HSPBP1: variants seen among roughly 807,000 people sequenced by gnomAD.
HSPBP1 encodes the protein HSPA (Hsp70) binding protein 1.
A neutral mutation model predicts 41.7 loss-of-function variants in HSPBP1; 31 were observed. That is an observed-to-expected ratio of 0.74 (90% CI 0.56 to 1.00). The LOEUF (loss-of-function observed/expected upper bound fraction) is 1.00. Among genes scored for constraint, HSPBP1 ranks in the 50% least tolerant of loss-of-function variants. The pLI, the probability that HSPBP1 is intolerant of heterozygous loss-of-function variation, is 0.00. For missense variants in HSPBP1, 439 were observed against 487.9 expected (o/e 0.90, Z 0.94); for synonymous variants, 199 against 214.4 (o/e 0.93, Z 0.63).
intron 4 of HSPBP1, among the ~76,000 whole-genome samples, chr19:55,267,312 G>A (rs573719196): frequency 3.9e-5 from 6 of 151,986 alleles, no homozygotes; most frequent in South Asian, 4.1e-4. Context: ...CACCACACCC[G>A]GCTAATTTTT....
In HSPBP1 at chr19:55,279,427, T is replaced by A. The variant is rs758567202; in HGVS notation, c.182A>T (p.Asp61Val). The A allele has an allele frequency of 2.5e-6, 4 of 1,602,070 alleles. No homozygotes were observed. The East Asian group carries it at 8.9e-5, about 36-fold the overall frequency. Residue 61 changes from aspartate (D) to valine (V), a missense_variant, in exon 2 of 8, where the codon GAC becomes GTC. Asp to Val is a radical substitution (Grantham distance 152). Coordinates refer to ENST00000433386, the MANE Select transcript of HSPBP1 (RefSeq NM_012267.5). Reference sequence around the variant, plus strand: ...CTCACTCATCGGTTCTGGAGGAGGGTCTGGCTCTTCAGAGCCCGCGGTGAT... The same window carrying A: ...CTCACTCATCGGTTCTGGAGGAGGGACTGGCTCTTCAGAGCCCGCGGTGAT... ...MAITAGSEEP[D>V]PPPEPMSEER...
At chr19:55,264,014 G>A (rs1483220412) in intron 7 of HSPBP1, among the ~76,000 whole-genome samples, 1 of 148,998 alleles carries the variant, frequency 6.7e-6, no homozygotes, top group Admixed American at 6.7e-5. Context: ...TGTCGCCCAG[G>A]CTGGAGTGCA....
At chr19:55,266,420 A>C in intron 4 of HSPBP1, 134 bp from the exon 5 acceptor site, 1 of 965,472 alleles carries the variant, frequency 1.0e-6, no homozygotes, top group Non-Finnish European at 1.5e-6. Context: ...CTTCACCACC[A>C]TCACAATCAT....
chr19:55,269,139 G>A (rs2087858831), intron 4 of HSPBP1, among the ~76,000 whole-genome samples: 1 of 152,142 alleles, frequency 6.6e-6, no homozygotes, highest in African/African-American at 2.4e-5. Flanking sequence ...GGGCACGGTT[G>A]GTATCTGGGG....
chr19:55,270,787 G>A lies in HSPBP1; in HGVS notation c.640+3611C>T, dbSNP rs1230808096. Among the ~76,000 whole-genome samples, 7 of 144,640 alleles carry A rather than the reference G, an allele frequency of 4.8e-5. No homozygotes were observed. Among genetic ancestry groups the A allele is most frequent in the Non-Finnish European group, 7.6e-5 (5 of 66,016 alleles). The allele number at this position is 144,640 out of a possible 152,430, so 94.9% of individuals were successfully genotyped here. A position where few individuals can be genotyped will look rare whatever the true frequency, so the allele number is the denominator to read the frequency against. On this transcript the variant is annotated intron_variant, in intron 4 of 7. Transcript: ENST00000433386. The surrounding 1 kb of genome is among the most constrained non-coding windows in gnomAD (Gnocchi z 5.4). ...ATGCACATCCACACACCACACATAC[G>A]CACCACACATACACACCTCATATGC... is the stretch of plus-strand genomic sequence containing the variant.
chr19:55,269,598 CA>C (rs1411533073), intron 4 of HSPBP1, among the ~76,000 whole-genome samples: 1 of 152,106 alleles, frequency 6.6e-6, no homozygotes, highest in Non-Finnish European at 1.5e-5. Context: ...ACCTTAAAAG[CA>C]GATTACTAAG....
At position 55,270,209 on chromosome 19, in the gene HSPBP1, C is replaced by G. The variant is rs996901972; in HGVS notation, c.641-3923G>C. The stretch of plus-strand genomic sequence containing the variant: ...GAATGGCATCCAAGCTCCCAGAGCT[C>G]TTGCCCTGCATCGTGCACAACTTTC... On this transcript the variant is annotated intron_variant, in intron 4 of 7. Coordinates refer to ENST00000433386, the MANE Select transcript of HSPBP1 (RefSeq NM_012267.5). This position sits in a 1 kb window ranked among gnomAD's most constrained non-coding sequence, Gnocchi z 5.4. Among the ~76,000 whole-genome samples the G allele has an allele frequency of 6.6e-5, 10 of 152,244 alleles. No individual in the cohort carries two copies. The highest frequency in any genetic ancestry group is 2.4e-4 in the African/African-American group (10 of 41,476).
intron 3 of HSPBP1, 113 bp downstream of exon 3, chr19:55,277,529 T>G: frequency 9.1e-7 from 1 of 1,093,616 alleles, no homozygotes; most frequent in Non-Finnish European, 1.4e-6. Flanking sequence ...AGGCTGATGG[T>G]GAGAAGGCAG....
At chr19:55,277,186 G>A (rs866257436) in intron 3 of HSPBP1, among the ~76,000 whole-genome samples, 1 of 152,152 alleles carries the variant, frequency 6.6e-6, no homozygotes, top group Middle Eastern at 3.2e-3. Context: ...ACTCTACTCT[G>A]CCTCAAGGGC....
Position 55,273,887 on chromosome 19 carries a change from T to G in HSPBP1, c.640+511A>C, listed in dbSNP as rs760863155. ...GCTAGGAGTTCAAGACTAGCCTGGG[T>G]AGCAAAGCAAGTCTTGTCTCTATAT... On this transcript the variant is annotated intron_variant, in intron 4 of 7. Coordinates refer to ENST00000433386, the MANE Select transcript of HSPBP1 (RefSeq NM_012267.5). Among the ~76,000 whole-genome samples, 152 of 151,226 alleles carry G rather than the reference T, an allele frequency of 1.0e-3. 1 individual carries two copies. Among genetic ancestry groups the G allele is most frequent in the Non-Finnish European group, 1.4e-3 (94 of 67,810 alleles).
rs1381994848 is a variant in HSPBP1 at position 55,279,509 on chromosome 19, C to G, written c.100G>C (p.Gly34Arg). 1.5e-6 allele frequency: 2 copies of G among 1,290,858 alleles called. No individual in the cohort carries two copies. 80.0% of individuals were successfully genotyped at this position (1,290,858 alleles called of 1,614,324 possible). ...GGGGGCCGGGAATTGCCCGAGCCCC[C>G]AGCCGAGGAGCCGCCGCCGCCGCCC... ...SGGGGGGSSAGGSGNSRPPRN... is the reference protein window; with the variant it reads ...SGGGGGGSSARGSGNSRPPRN... Residue 34 changes from glycine to arginine, a missense_variant, in exon 2 of 8, where the codon GGG (glycine) becomes CGG (arginine). Physicochemically the swap from Gly to Arg is moderately radical, Grantham distance 125. Coordinates refer to ENST00000433386, the MANE Select transcript of HSPBP1 (RefSeq NM_012267.5).
rs770350529 is a variant in HSPBP1, at chr19:55,274,630, A to G, written c.416-8T>C. The G allele has an allele frequency of 3.1e-6, 5 of 1,599,478 alleles. No individual in the cohort carries two copies. In the African/African-American group the frequency reaches 6.7e-5, roughly 21 times the overall value. On this transcript the variant is annotated splice_region_variant and splice_polypyrimidine_tract_variant and intron_variant, in intron 3 of 7. Coordinates refer to ENST00000433386, the MANE Select transcript of HSPBP1 (RefSeq NM_012267.5). ...CAGACAGCTGGCAGAAGTCTGTGCC[A>G]CAGAGGGGAGCAGAGAGAGGCCAGA...
chr19:55,278,304 G>C (rs1211112054), intron 2 of HSPBP1, among the ~76,000 whole-genome samples: 13 of 152,078 alleles, frequency 8.5e-5, no homozygotes, highest in Admixed American at 7.9e-4. Flanking sequence ...GGTGAGGGAG[G>C]GGAGCAGAGG....
At chr19:55,263,816 A>G (rs1456882314) in intron 7 of HSPBP1, among the ~76,000 whole-genome samples, 1 of 152,176 alleles carries the variant, frequency 6.6e-6, no homozygotes, top group Admixed American at 6.5e-5. Context: ...GGCAGGAGAG[A>G]GACTTTTCAC....
Position 55,262,587 on chromosome 19 carries a change from G to T in HSPBP1, c.*21C>A. 1 of 1,612,992 alleles carries T rather than the reference G, an allele frequency of 6.2e-7. No homozygotes were observed. The highest frequency in any genetic ancestry group is 1.1e-5 in the South Asian group (1 of 90,800). ...GAGGCCTGGGGTTCCCACGGAGAAG[G>T]GGGCAAGAAGCCACCTGGTTTCACC... is the stretch of plus-strand genomic sequence containing the variant. On this transcript the variant is annotated 3_prime_UTR_variant, in exon 8 of 8. Coordinates refer to ENST00000433386, the MANE Select transcript of HSPBP1 (RefSeq NM_012267.5).
At chr19:55,273,547 G>A (rs2122859391) in intron 4 of HSPBP1, among the ~76,000 whole-genome samples, 1 of 152,220 alleles carries the variant, frequency 6.6e-6, no homozygotes, top group Non-Finnish European at 1.5e-5. Flanking sequence ...TGTGCATAAG[G>A]ATTCAGCGAG....
intron 4 of HSPBP1, among the ~76,000 whole-genome samples, chr19:55,269,691 A>G (rs1336260694): frequency 6.6e-6 from 1 of 152,240 alleles, no homozygotes; most frequent in Non-Finnish European, 1.5e-5. Context: ...CTATGGAGAC[A>G]GTAAAAAGCT....
chr19:55,268,914 A>C lies in HSPBP1; in HGVS notation c.641-2628T>G, dbSNP rs1273527694. Among the ~76,000 whole-genome samples the C allele has an allele frequency of 3.9e-5, 6 of 152,002 alleles. No homozygotes were observed. The highest frequency in any genetic ancestry group is 1.2e-4 in the African/African-American group (5 of 41,360). ...TTGAGCTCCTGGCTTCAAGTGATCC[A>C]CCTGTCTCGGCCTCCCAAAATGTTG... On this transcript the variant is annotated intron_variant, in intron 4 of 7. Coordinates refer to ENST00000433386, the MANE Select transcript of HSPBP1 (RefSeq NM_012267.5). The surrounding 1 kb of genome is among the most constrained non-coding windows in gnomAD (Gnocchi z 4.5).
intron 7 of HSPBP1, 112 bp from the exon 8 acceptor site, chr19:55,262,794 T>C (rs2087680658): frequency 2.2e-6 from 2 of 894,726 alleles, no homozygotes; most frequent in Non-Finnish European, 3.5e-6. Context: ...CACCACCCAC[T>C]CCCCCCCACC....
Sources: gnomAD v4.1 joint callset for allele counts (sites outside exome capture counted in the v4.1 genomes callset) on GRCh38, gnomAD v4.1.1 for gene constraint, Gnocchi (gnomAD v3.1) non-coding constraint, MANE v1.5 for transcripts, NCBI Gene and HGNC (gene_info 2026-07-23, HGNC 2026-07-21) for gene names.